Variants in ARRDC4 observed in about 807,000 individuals in gnomAD.
ARRDC4 encodes the protein arrestin domain-containing protein 4.
Under a neutral mutation model 44.6 loss-of-function variants are expected in ARRDC4, and 40 were observed. That is an observed-to-expected ratio of 0.90 (90% CI 0.70 to 1.17). The LOEUF (loss-of-function observed/expected upper bound fraction) is 1.17. ARRDC4 is among the 50% of genes most tolerant of loss of function. The pLI is 0.00. For synonymous variants in ARRDC4, 211 were observed against 221.2 expected (o/e 0.95, Z 0.41); for missense variants, 550 against 559.1 (o/e 0.98, Z 0.16).
rs1899544863 is a variant in ARRDC4 at position 97,973,243 on chromosome 15, T to C, written c.*2056T>C. 1 of 152,584 alleles carries C rather than the reference T, an allele frequency of 6.6e-6. No individual in the cohort carries two copies. Among genetic ancestry groups the C allele is most frequent in the South Asian group, 2.1e-4 (1 of 4,832 alleles). The allele number at this position is 152,584 out of a possible 1,614,324, so 9.5% of individuals were successfully genotyped here. A position where few individuals can be genotyped will look rare whatever the true frequency, so the allele number is the denominator to read the frequency against. ...GAAAGTTTAATTATTTGGTTCCATC[T>C]AGAAAAGCAACAACTTAAAGGAATC... On this transcript the variant is annotated 3_prime_UTR_variant, in exon 8 of 8. Transcript: ENST00000268042.
At chr15:97,961,219 G>A in intron 1 of ARRDC4, 51 bp downstream of exon 1, 1 of 1,343,746 alleles carries the variant, frequency 7.4e-7, no homozygotes, top group Non-Finnish European at 9.5e-7. Flanking sequence ...CGGGGCCGGG[G>A]AGGGGCTGGG....
chr15:97,970,871 A>G lies in ARRDC4; in HGVS notation c.1200+128A>G. The G allele has an allele frequency of 8.4e-7, 1 of 1,190,312 alleles. No homozygotes were observed. The highest frequency in any genetic ancestry group is 1.5e-5 in the South Asian group (1 of 65,526). The allele number at this position is 1,190,312 out of a possible 1,614,324, so 73.7% of individuals were successfully genotyped here. A position where few individuals can be genotyped will look rare whatever the true frequency, so the allele number is the denominator to read the frequency against. ...AAGGGATACATTTAAATTTGTTTAT[A>G]CAGTGGTAATAGATTATCGCTGATT... is the stretch of plus-strand genomic sequence containing the variant. On this transcript the variant is annotated intron_variant, in intron 7 of 7. Coordinates refer to ENST00000268042, the MANE Select transcript of ARRDC4 (RefSeq NM_183376.3). The surrounding 1 kb of genome is among the most constrained non-coding windows in gnomAD (Gnocchi z 4.2).
At position 97,966,074 on chromosome 15, in the gene ARRDC4, TTTCCTCCTTCCCTCCC is replaced by T; in HGVS notation, c.522+44_522+59del. The T allele has an allele frequency of 6.2e-7, 1 of 1,609,114 alleles. No individual in the cohort carries two copies. Among genetic ancestry groups the T allele is most frequent in the Non-Finnish European group, 8.5e-7 (1 of 1,176,792 alleles). On this transcript the variant is annotated intron_variant, in intron 3 of 7. Transcript: ENST00000268042. The surrounding 1 kb of genome is among the most constrained non-coding windows in gnomAD (Gnocchi z 4.7). ...TCTTCCTTTTTCTCTTCCTCCTCCTTTTCCTCCTTCCCTCCCTTCCTCCTTCCTTTCAACAGTGGGA... is the reference window on the plus strand; with the variant it reads ...TCTTCCTTTTTCTCTTCCTCCTCCTTTTCCTCCTTCCTTTCAACAGTGGGA...
In ARRDC4 at chr15:97,973,745, G is replaced by GT. The variant is rs1899553359; in HGVS notation, c.*2559dup. 1 of 152,002 alleles carries GT rather than the reference G, an allele frequency of 6.6e-6. No individual in the cohort carries two copies. The highest frequency in any genetic ancestry group is 2.1e-4 in the South Asian group (1 of 4,810). 9.4% of individuals were successfully genotyped at this position (152,002 alleles called of 1,614,324 possible). A position where few individuals can be genotyped will look rare whatever the true frequency, so the allele number is the denominator to read the frequency against. ...CTTTCTTATTTTTATTATTAAAAAT[G>GT]TAACAATTTAACCCACAGGAAAAAA... On this transcript the variant is annotated 3_prime_UTR_variant, in exon 8 of 8. Coordinates refer to ENST00000268042, the MANE Select transcript of ARRDC4 (RefSeq NM_183376.3).
Position 97,968,205 on chromosome 15 carries a change from T to G in ARRDC4, c.625+89T>G. On this transcript the variant is annotated intron_variant, in intron 4 of 7. Coordinates refer to ENST00000268042, the MANE Select transcript of ARRDC4 (RefSeq NM_183376.3). The surrounding 1 kb of genome is among the most constrained non-coding windows in gnomAD (Gnocchi z 5.4). ...GATTTTAAATAGTGTTTTTTGTAATTATATGACGTGTATAGTATTTTAAAA... is the reference window on the plus strand; with the variant it reads ...GATTTTAAATAGTGTTTTTTGTAATGATATGACGTGTATAGTATTTTAAAA... 2 of 752,710 alleles carry G rather than the reference T, an allele frequency of 2.7e-6. No homozygotes were observed. The highest frequency in any genetic ancestry group is 4.1e-6 in the Non-Finnish European group (2 of 488,312). The allele number at this position is 752,710 out of a possible 1,614,324, so 46.6% of individuals were successfully genotyped here. A position where few individuals can be genotyped will look rare whatever the true frequency, so the allele number is the denominator to read the frequency against.
intron 5 of ARRDC4, 31 bp from the exon 6 acceptor site, chr15:97,969,852 T>TTCTC (rs201734388): frequency 6.7e-7 from 1 of 1,501,806 alleles, no homozygotes; most frequent in African/African-American, 1.7e-5. Context: ...ATTTGTTCCT[T>TTCTC]TCTCTTTTTT....
In ARRDC4 at chr15:97,969,245, A is replaced by G. The variant is rs1455861821; in HGVS notation, c.748A>G (p.Met250Val). 1.2e-6 allele frequency: 2 copies of G among 1,613,988 alleles called. No homozygotes were observed. Among genetic ancestry groups the G allele is most frequent in the Non-Finnish European group, 1.7e-6 (2 of 1,179,926 alleles). Reference protein sequence around the residue: ...ASGKTKTIRHMVANVRGNHIA... With the variant: ...ASGKTKTIRHVVANVRGNHIA... Reference sequence around the variant, plus strand: ...TGGAAAAACAAAGACCATTCGACACATGGTCGCCAATGTGCGAGGAAACCA... The same window carrying G: ...TGGAAAAACAAAGACCATTCGACACGTGGTCGCCAATGTGCGAGGAAACCA... Residue 250 changes from methionine (M) to valine (V), a missense_variant, in exon 5 of 8, where the codon ATG becomes GTG. Transcript: ENST00000268042.
In ARRDC4 at chr15:97,966,867, A is replaced by ATG. The variant is rs1899426332; in HGVS notation, c.522+828_522+829dup. Among the ~76,000 whole-genome samples the ATG allele has an allele frequency of 3.3e-5, 5 of 152,346 alleles. No homozygotes were observed. The South Asian group carries it at 8.3e-4, about 25-fold the overall frequency. On this transcript the variant is annotated intron_variant, in intron 3 of 7. Transcript: ENST00000268042. This position sits in a 1 kb window ranked among gnomAD's most constrained non-coding sequence, Gnocchi z 4.7. Reference sequence around the variant, plus strand: ...ATTTAAACTTTCCATCACGATACTGATGTGACAAAGATGTATTTTTCATGT... The same window carrying ATG: ...ATTTAAACTTTCCATCACGATACTGATGTGTGACAAAGATGTATTTTTCATGT...
In ARRDC4 at chr15:97,967,349, C is replaced by G. The variant is rs1899434713; in HGVS notation, c.523-665C>G. 6.6e-6 allele frequency among the ~76,000 whole-genome samples: 1 copy of G among 152,058 alleles called. No individual in the cohort carries two copies. Among genetic ancestry groups the G allele is most frequent in the African/African-American group, 2.4e-5 (1 of 41,410 alleles). The stretch of plus-strand genomic sequence containing the variant: ...TTACAGAAAGCTTTGGTGTGTGTAA[C>G]TCGTAAACTGAACATTGTAAATCTT... On this transcript the variant is annotated intron_variant, in intron 3 of 7. Coordinates refer to ENST00000268042, the MANE Select transcript of ARRDC4 (RefSeq NM_183376.3). The surrounding 1 kb of genome is among the most constrained non-coding windows in gnomAD (Gnocchi z 5.0).
intron 1 of ARRDC4, among the ~76,000 whole-genome samples, chr15:97,963,728 A>C (rs1899365627): frequency 6.6e-6 from 1 of 152,192 alleles, no homozygotes; most frequent in East Asian, 1.9e-4. Flanking sequence ...GGTCTCTTTG[A>C]GGATTATCTG....
At chr15:97,963,132 A>C (rs1006561320) in intron 1 of ARRDC4, among the ~76,000 whole-genome samples, 1 of 152,142 alleles carries the variant, frequency 6.6e-6, no homozygotes, top group African/African-American at 2.4e-5. Flanking sequence ...CTGCCTCTGT[A>C]ATGGTCTTCT....
chr15:97,971,035 C>A, intron 7 of ARRDC4, 96 bp from the exon 8 acceptor site: 4 of 1,361,458 alleles, frequency 2.9e-6, no homozygotes, highest in South Asian at 1.2e-5. Context: ...AGGCTCTGAC[C>A]AGCTTGGCAT....
At chr15:97,969,419 G>A in intron 5 of ARRDC4, 40 bp downstream of exon 5, 1 of 1,600,108 alleles carries the variant, frequency 6.2e-7, no homozygotes, top group Non-Finnish European at 8.6e-7. Flanking sequence ...GTGTATGATG[G>A]ACAATAACTG....
chr15:97,972,887 G>A lies in ARRDC4; in HGVS notation c.*1700G>A, dbSNP rs2141538843. 6.5e-6 allele frequency: 1 copy of A among 152,706 alleles called. No individual in the cohort carries two copies. The highest frequency in any genetic ancestry group is 1.9e-4 in the East Asian group (1 of 5,184). 9.5% of individuals were successfully genotyped at this position (152,706 alleles called of 1,614,324 possible). On this transcript the variant is annotated 3_prime_UTR_variant, in exon 8 of 8. Transcript: ENST00000268042. This position sits in a 1 kb window ranked among gnomAD's most constrained non-coding sequence, Gnocchi z 5.3. ...TCCTCTGGGCTTACCTCTCTCCTCTGCAATCCTGGAAGCATCGTGCATAGT... is the reference window on the plus strand; with the variant it reads ...TCCTCTGGGCTTACCTCTCTCCTCTACAATCCTGGAAGCATCGTGCATAGT...
chr15:97,961,210 G>T (rs764136822), intron 1 of ARRDC4, 42 bp downstream of exon 1: 2 of 1,360,786 alleles, frequency 1.5e-6, no homozygotes, highest in Non-Finnish European at 9.4e-7. Context: ...GCCAGGCTGC[G>T]GGGCCGGGGA....
intron 1 of ARRDC4, among the ~76,000 whole-genome samples, 154 bp downstream of exon 1, chr15:97,961,322 A>G (rs1454328462): frequency 6.6e-6 from 1 of 151,818 alleles, no homozygotes; most frequent in Admixed American, 6.5e-5. Context: ...GTAAGGAGAG[A>G]CCGCAAGTCC....
Position 97,961,141 on chromosome 15 carries a change from C to T in ARRDC4, c.280C>T (p.Arg94Cys). 1.4e-6 allele frequency: 2 copies of T among 1,449,872 alleles called. No homozygotes were observed. The highest frequency in any genetic ancestry group is 2.8e-5 in the Admixed American group (1 of 35,168). The allele number at this position is 1,449,872 out of a possible 1,614,324, so 89.8% of individuals were successfully genotyped here. A position where few individuals can be genotyped will look rare whatever the true frequency, so the allele number is the denominator to read the frequency against. ...VFSEVEYLNV[R>C]LSLREPPAGE... Reference sequence around the variant, plus strand: ...CTCGGAGGTGGAGTACCTGAACGTGCGCCTCAGCCTGCGGGAGCCCCCGGC... The same window carrying T: ...CTCGGAGGTGGAGTACCTGAACGTGTGCCTCAGCCTGCGGGAGCCCCCGGC... Residue 94 changes from arginine to cysteine, a missense_variant, in exon 1 of 8, where the codon CGC (arginine) becomes TGC (cysteine). Arg to Cys is a radical substitution (Grantham distance 180, BLOSUM62 -3). Transcript: ENST00000268042.
chr15:97,970,515 TG>T lies in ARRDC4; in HGVS notation c.1046-73del. The T allele has an allele frequency of 6.8e-7, 1 of 1,467,386 alleles. No individual in the cohort carries two copies. Among genetic ancestry groups the T allele is most frequent in the Non-Finnish European group, 9.3e-7 (1 of 1,077,158 alleles). The allele number at this position is 1,467,386 out of a possible 1,614,324, so 90.9% of individuals were successfully genotyped here. ...TTTATCTTCAAGTTTAGCTGTTTCT[TG>T]TTTTTGTAGCAGTTAAGAATCGAGA... On this transcript the variant is annotated intron_variant, in intron 6 of 7. Transcript: ENST00000268042. This position sits in a 1 kb window ranked among gnomAD's most constrained non-coding sequence, Gnocchi z 4.2.
chr15:97,961,161 C>A lies in ARRDC4; in HGVS notation c.300C>A (p.Pro100=), dbSNP rs1209350831. 6 of 1,435,676 alleles carry A rather than the reference C, an allele frequency of 4.2e-6. No individual in the cohort carries two copies. The highest frequency in any genetic ancestry group is 5.4e-6 in the Non-Finnish European group (6 of 1,105,116). 88.9% of individuals were successfully genotyped at this position (1,435,676 alleles called of 1,614,324 possible). A position where few individuals can be genotyped will look rare whatever the true frequency, so the allele number is the denominator to read the frequency against. The change falls in exon 1 of 8, where the codon CCC becomes CCA. Residue 100 remains proline (P), a synonymous_variant. Transcript: ENST00000268042. ...YLNVRLSLRE[P]PAGEGIILLQ... is the part of the protein sequence containing the mutation. ...ACGTGCGCCTCAGCCTGCGGGAGCCCCCGGCCGGTAAGCGCAGGCGAGCGC... is the reference window on the plus strand; with the variant it reads ...ACGTGCGCCTCAGCCTGCGGGAGCCACCGGCCGGTAAGCGCAGGCGAGCGC...
Sources: allele counts gnomAD v4.1 joint callset (sites outside exome capture counted in the v4.1 genomes callset), GRCh38; gene constraint gnomAD v4.1.1; non-coding constraint Gnocchi (gnomAD v3.1); transcripts MANE v1.5; gene names NCBI Gene and HGNC (gene_info 2026-07-23, HGNC 2026-07-21).